Variants in NRBF2 observed in about 807,000 individuals in gnomAD.
NRBF2 encodes nuclear receptor binding factor 2, also known as nuclear receptor-binding factor 2.
A neutral mutation model predicts 28.5 loss-of-function variants in NRBF2; 12 were observed. The observed-to-expected ratio is 0.42, with a 90% CI of 0.27 to 0.68. The LOEUF (loss-of-function observed/expected upper bound fraction) is 0.68. Among genes scored for constraint, NRBF2 ranks in the 30% least tolerant of loss-of-function variants. The pLI is 0.24. For synonymous variants in NRBF2, 102 were observed against 116.5 expected, an observed-to-expected ratio of 0.88 and a Z score of 0.80; for missense variants, 274 against 333.5, an observed-to-expected ratio of 0.82 and a Z score of 1.39.
chr10:63,145,778 C>T (rs1841551281), intron 1 of NRBF2, among the ~76,000 whole-genome samples: 1 of 152,176 alleles, frequency 6.6e-6, no homozygotes. Flanking sequence ...GATTTTACTA[C>T]ATGATGAGTG....
chr10:63,133,625 G>T (rs1395966322), intron 1 of NRBF2, 125 bp downstream of exon 1: 2 of 723,998 alleles, frequency 2.8e-6, no homozygotes, highest in Non-Finnish European at 4.8e-6. Flanking sequence ...GGTCGCAGAG[G>T]CTGTGAGGGG....
In NRBF2 at chr10:63,154,256, T is replaced by C; in HGVS notation, c.*38T>C. 7.9e-7 allele frequency: 1 copy of C among 1,268,360 alleles called. No individual in the cohort carries two copies. Among genetic ancestry groups the C allele is most frequent in the South Asian group, 1.3e-5 (1 of 75,422 alleles). 78.6% of individuals were successfully genotyped at this position (1,268,360 alleles called of 1,614,324 possible). A position where few individuals can be genotyped will look rare whatever the true frequency, so the allele number is the denominator to read the frequency against. On this transcript the variant is annotated 3_prime_UTR_variant, in exon 4 of 4. Transcript: ENST00000277746. ...CAGAAAAGGGGAAAAGAGGAAATAA[T>C]ACAGTAATCGTTAATCCAGCAAAAA...
intron 1 of NRBF2, among the ~76,000 whole-genome samples, chr10:63,139,193 G>T (rs996704364): frequency 6.6e-6 from 1 of 151,952 alleles, no homozygotes; most frequent in Admixed American, 6.6e-5. Flanking sequence ...TATTTTTAGC[G>T]TAGATGGGGT....
intron 1 of NRBF2, among the ~76,000 whole-genome samples, chr10:63,140,643 TC>T (rs1259898326): frequency 2.0e-5 from 3 of 151,644 alleles, no homozygotes; most frequent in Admixed American, 2.0e-4. Context: ...CAAGCAGCCC[TC>T]CCACCTCGGC....
At chr10:63,134,961 G>A (rs1302529907) in intron 1 of NRBF2, among the ~76,000 whole-genome samples, 4 of 152,172 alleles carry the variant, frequency 2.6e-5, no homozygotes, top group Non-Finnish European at 5.9e-5. Context: ...GCCGAGGCGG[G>A]CGAATCACTT....
intron 2 of NRBF2, among the ~76,000 whole-genome samples, chr10:63,149,985 A>G (rs1368445157): frequency 1.4e-5 from 2 of 148,098 alleles, no homozygotes; most frequent in East Asian, 2.0e-4. Context: ...TCTGTTACCC[A>G]GGCTGGAGTG....
chr10:63,145,655 T>G (rs1332987249), intron 1 of NRBF2, among the ~76,000 whole-genome samples: 1 of 152,258 alleles, frequency 6.6e-6, no homozygotes, highest in Admixed American at 6.5e-5. Context: ...ACAATCTTTG[T>G]AATATTAGAT....
chr10:63,135,153 C>CT (rs1448412011), intron 1 of NRBF2, among the ~76,000 whole-genome samples: 1 of 152,210 alleles, frequency 6.6e-6, no homozygotes, highest in Non-Finnish European at 1.5e-5. Context: ...TGCCACTGCA[C>CT]TCCAACCTGG....
intron 3 of NRBF2, among the ~76,000 whole-genome samples, chr10:63,153,241 G>A (rs1410866614): frequency 1.3e-5 from 2 of 152,034 alleles, no homozygotes; most frequent in African/African-American, 4.8e-5. Context: ...TTTAGCTGTT[G>A]GTAGAATTAA....
chr10:63,150,584 A>G (rs985236021), intron 2 of NRBF2, among the ~76,000 whole-genome samples: 16 of 152,166 alleles, frequency 1.1e-4, no homozygotes, highest in East Asian at 7.7e-4. Context: ...AGCAGTCCCA[A>G]CCTTTTTGCT....
chr10:63,136,676 A>C (rs57696115), intron 1 of NRBF2, among the ~76,000 whole-genome samples: 3,726 of 152,314 alleles, frequency 0.024, 156 homozygotes, highest in African/African-American at 0.084. Context: ...TTTGATATCA[A>C]GACCTCTTTC....
chr10:63,146,004 G>A (rs1841554451), intron 1 of NRBF2, among the ~76,000 whole-genome samples: 1 of 152,242 alleles, frequency 6.6e-6, no homozygotes, highest in Non-Finnish European at 1.5e-5. Flanking sequence ...TATGGTAGAA[G>A]TGAAAGAAGT....
At chr10:63,144,367 A>G (rs1194600949) in intron 1 of NRBF2, among the ~76,000 whole-genome samples, 1 of 151,108 alleles carries the variant, frequency 6.6e-6, no homozygotes, top group Non-Finnish European at 1.5e-5. Flanking sequence ...TATTCAGTCT[A>G]ATGTCCTCAC....
At chr10:63,149,746 G>T (rs1736142776) in intron 2 of NRBF2, among the ~76,000 whole-genome samples, 1 of 152,112 alleles carries the variant, frequency 6.6e-6, no homozygotes, top group African/African-American at 2.4e-5. Flanking sequence ...CAATTTCAAG[G>T]TTCTACAAAG....
intron 1 of NRBF2, among the ~76,000 whole-genome samples, chr10:63,145,277 T>C (rs903420084): frequency 6.6e-6 from 1 of 151,994 alleles, no homozygotes; most frequent in Non-Finnish European, 1.5e-5. Flanking sequence ...TGTTTCACCC[T>C]GTTAGCCAGG....
At chr10:63,151,970 A>G (rs1017833503) in intron 2 of NRBF2, among the ~76,000 whole-genome samples, 180 bp from the exon 3 acceptor site, 3 of 152,144 alleles carry the variant, frequency 2.0e-5, no homozygotes, top group African/African-American at 4.8e-5. Flanking sequence ...GAATATTTTC[A>G]TTTTATTGCC....
chr10:63,141,564 C>A (rs536184021), intron 1 of NRBF2, among the ~76,000 whole-genome samples: 1 of 152,220 alleles, frequency 6.6e-6, no homozygotes, highest in African/African-American at 2.4e-5. Flanking sequence ...AGGGCTATAT[C>A]GAGTATGTAC....
At chr10:63,144,631 T>G (rs940433832) in intron 1 of NRBF2, among the ~76,000 whole-genome samples, 1 of 152,076 alleles carries the variant, frequency 6.6e-6, no homozygotes, top group East Asian at 1.9e-4. Context: ...TTAGCCAAGA[T>G]GGTCTCGATC....
intron 2 of NRBF2, 67 bp from the exon 3 acceptor site, chr10:63,152,083 T>G: frequency 8.5e-7 from 1 of 1,169,590 alleles, no homozygotes; most frequent in South Asian, 1.3e-5. Flanking sequence ...TTATTAAAAC[T>G]CTTCCTTTTA....
Sources: allele counts gnomAD v4.1 joint callset (sites outside exome capture counted in the v4.1 genomes callset), GRCh38; gene constraint gnomAD v4.1.1; transcripts MANE v1.5; gene names NCBI Gene and HGNC (gene_info 2026-07-23, HGNC 2026-07-21).